UBE3D: variants seen among roughly 807,000 people sequenced by gnomAD.
The protein encoded by UBE3D is ubiquitin protein ligase E3D, also known as E3 ubiquitin-protein ligase E3D.
A neutral mutation model predicts 49.6 loss-of-function variants in UBE3D; 48 were observed. The observed-to-expected ratio is 0.97, with a 90% confidence interval of 0.77 to 1.23. The LOEUF (loss-of-function observed/expected upper bound fraction) is 1.23. Ranked by LOEUF, UBE3D falls within the 50% of genes most tolerant of loss-of-function variation. UBE3D has a pLI of 0.00. For synonymous variants in UBE3D, 189 were observed against 174.2 expected (o/e 1.08, Z -0.67); for missense variants, 452 against 468.4 (o/e 0.96, Z 0.32).
intron 2 of UBE3D, among the ~76,000 whole-genome samples, chr6:83,057,288 T>A (rs1783875705): frequency 6.6e-6 from 1 of 152,218 alleles, no homozygotes. Flanking sequence ...TTTTATATTA[T>A]CATAACACTT....
chr6:82,975,686 A>G (rs1777665471), intron 8 of UBE3D, among the ~76,000 whole-genome samples: 1 of 152,166 alleles, frequency 6.6e-6, no homozygotes, highest in African/African-American at 2.4e-5. Context: ...TAACAAGTAA[A>G]CTCAATTGTT....
At chr6:82,994,914 T>A (rs1488419680) in intron 8 of UBE3D, among the ~76,000 whole-genome samples, 2 of 152,094 alleles carry the variant, frequency 1.3e-5, no homozygotes, top group Admixed American at 6.5e-5. Context: ...AGAGACAACA[T>A]AGAGACAAGA....
chr6:82,937,044 C>G (rs973786775), intron 9 of UBE3D, among the ~76,000 whole-genome samples: 2 of 152,108 alleles, frequency 1.3e-5, no homozygotes, highest in African/African-American at 4.8e-5. Context: ...CTTTACTGCT[C>G]CATAGATGAG....
At chr6:82,936,203 A>G (rs967030718) in intron 9 of UBE3D, among the ~76,000 whole-genome samples, 14 of 152,230 alleles carry the variant, frequency 9.2e-5, no homozygotes, top group African/African-American at 3.4e-4. Context: ...TGTAGACGTC[A>G]GTCTAACTAC....
At chr6:82,931,762 A>T (rs1774170053) in intron 9 of UBE3D, among the ~76,000 whole-genome samples, 1 of 152,198 alleles carries the variant, frequency 6.6e-6, no homozygotes, top group African/African-American at 2.4e-5. Context: ...TTACAGGCTC[A>T]TAGGCAGAGA....
intron 9 of UBE3D, among the ~76,000 whole-genome samples, chr6:82,950,880 C>CATGT (rs1775740868): frequency 1.3e-5 from 2 of 151,838 alleles, no homozygotes; most frequent in African/African-American, 4.8e-5. Context: ...CATGTTCTCA[C>CATGT]TTACTTGTGG....
At chr6:82,898,889 A>G (rs943647006) in intron 9 of UBE3D, among the ~76,000 whole-genome samples, 1 of 152,076 alleles carries the variant, frequency 6.6e-6, no homozygotes, top group East Asian at 1.9e-4. Context: ...CATTCATTCA[A>G]TCGTTAATTA....
At chr6:82,920,518 G>A (rs1582345952) in intron 9 of UBE3D, among the ~76,000 whole-genome samples, 1 of 152,152 alleles carries the variant, frequency 6.6e-6, no homozygotes, top group South Asian at 2.1e-4. Flanking sequence ...GATGACCCAA[G>A]GTCAACATTA....
chr6:83,037,317 G>A (rs1782333006), intron 5 of UBE3D: 1 of 152,200 alleles, frequency 6.6e-6, no homozygotes, highest in Admixed American at 6.5e-5. Context: ...TCTTGTTTAT[G>A]TCATTGTCAT....
intron 8 of UBE3D, among the ~76,000 whole-genome samples, chr6:82,959,795 T>A (rs1776423342): frequency 6.7e-6 from 1 of 149,598 alleles, no homozygotes; most frequent in East Asian, 2.0e-4. Context: ...TACACACCAG[T>A]TGTATTTAGT....
intron 8 of UBE3D, among the ~76,000 whole-genome samples, chr6:83,007,016 A>C (rs1780028245): frequency 6.6e-6 from 1 of 152,218 alleles, no homozygotes; most frequent in South Asian, 2.1e-4. Flanking sequence ...ACAACTACTA[A>C]TACTATTCTA....
chr6:82,940,059 G>A, intron 9 of UBE3D, among the ~76,000 whole-genome samples: 1 of 152,158 alleles, frequency 6.6e-6, no homozygotes, highest in East Asian at 1.9e-4. Flanking sequence ...AGGTATCTGG[G>A]TAGGGAATCG....
chr6:82,923,751 C>G (rs912062081), intron 9 of UBE3D, among the ~76,000 whole-genome samples: 3 of 152,082 alleles, frequency 2.0e-5, no homozygotes, highest in African/African-American at 7.2e-5. Context: ...ACATCTGTTA[C>G]TTATCTAGAC....
chr6:83,053,605 C>T (rs1443338506), intron 3 of UBE3D, among the ~76,000 whole-genome samples: 1 of 152,092 alleles, frequency 6.6e-6, no homozygotes, highest in Non-Finnish European at 1.5e-5. Flanking sequence ...AGAGTCCTTC[C>T]CATCTCAACA....
chr6:83,007,445 C>A (rs1182568118), intron 8 of UBE3D, among the ~76,000 whole-genome samples: 1 of 152,160 alleles, frequency 6.6e-6, no homozygotes, highest in African/African-American at 2.4e-5. Flanking sequence ...TTACTCCCTA[C>A]TAATTGTATT....
intron 7 of UBE3D, 28 bp downstream of exon 7, chr6:83,022,425 C>A: frequency 6.8e-7 from 1 of 1,467,346 alleles, no homozygotes; most frequent in South Asian, 1.3e-5. Context: ...TCCTAGGCTA[C>A]AAAAAGCTGG....
intron 5 of UBE3D, among the ~76,000 whole-genome samples, chr6:83,027,462 G>GAAAA (rs1562202263): frequency 2.9e-5 from 2 of 69,534 alleles, no homozygotes; most frequent in African/African-American, 1.1e-4. Context: ...AAAAAAAAAA[G>GAAAA]AAACCACTAG....
intron 8 of UBE3D, among the ~76,000 whole-genome samples, chr6:83,014,775 C>T (rs1780575815): frequency 6.6e-6 from 1 of 152,140 alleles, no homozygotes; most frequent in Non-Finnish European, 1.5e-5. Context: ...GGTCCTTCCT[C>T]AAGGGGACCC....
chr6:82,907,314 A>C (rs538795831), intron 9 of UBE3D, among the ~76,000 whole-genome samples: 104 of 152,340 alleles, frequency 6.8e-4, no homozygotes, highest in Non-Finnish European at 1.2e-3. Context: ...GCTAATTAGG[A>C]GGAGTATTTC....
Sources: gnomAD v4.1 joint callset for allele counts (sites outside exome capture counted in the v4.1 genomes callset) on GRCh38, gnomAD v4.1.1 for gene constraint, MANE v1.5 for transcripts, NCBI Gene and HGNC (gene_info 2026-07-23, HGNC 2026-07-21) for gene names.